Variants in MTSS1 observed in about 807,000 individuals in gnomAD.
MTSS1 encodes the protein protein MTSS 1.
In MTSS1, 18 loss-of-function variants were observed where a neutral mutation model predicts 79.0. That is an observed-to-expected ratio of 0.23 (90% CI 0.16 to 0.34). MTSS1 has a LOEUF of 0.34. Among genes scored for constraint, MTSS1 ranks in the 10% least tolerant of loss-of-function variants. MTSS1 has a pLI of 1.00. For missense variants in MTSS1, 815 were observed against 986.2 expected (o/e 0.83, Z 2.33); for synonymous variants, 341 against 368.6 (o/e 0.93, Z 0.86).
chr8:124,679,154 T>A (rs1277269140), intron 3 of MTSS1, among the ~76,000 whole-genome samples: 1 of 152,234 alleles, frequency 6.6e-6, no homozygotes, highest in African/African-American at 2.4e-5. Flanking sequence ...GCAAGTCCTT[T>A]AGCTAAGAAG....
intron 3 of MTSS1, among the ~76,000 whole-genome samples, chr8:124,695,081 C>T (rs761542386): frequency 6.6e-6 from 1 of 152,038 alleles, no homozygotes; most frequent in Non-Finnish European, 1.5e-5. Flanking sequence ...AGGTACATAA[C>T]AACTAGATTG....
chr8:124,711,053 G>A (rs1235167990), intron 1 of MTSS1, among the ~76,000 whole-genome samples: 1 of 152,204 alleles, frequency 6.6e-6, no homozygotes, highest in African/African-American at 2.4e-5. Flanking sequence ...GACCAGCCAG[G>A]TAACTTCCCA....
At chr8:124,568,844 T>C in intron 6 of MTSS1, 1 of 1,435,852 alleles carries the variant, frequency 7.0e-7, no homozygotes, top group East Asian at 2.5e-5. Context: ...AACACAACCC[T>C]GGAACACAGA....
At chr8:124,646,303 G>A (rs1818988920) in intron 3 of MTSS1, among the ~76,000 whole-genome samples, 1 of 152,112 alleles carries the variant, frequency 6.6e-6, no homozygotes, top group Non-Finnish European at 1.5e-5. Context: ...TCACAATCGG[G>A]AGAACATGTA....
intron 3 of MTSS1, among the ~76,000 whole-genome samples, chr8:124,616,620 A>G (rs1836920326): frequency 6.6e-6 from 1 of 152,104 alleles, no homozygotes; most frequent in South Asian, 2.1e-4. Flanking sequence ...AGGAACACAA[A>G]ACATAGGAGA....
intron 3 of MTSS1, among the ~76,000 whole-genome samples, chr8:124,596,898 T>A (rs1832862093): frequency 6.6e-6 from 1 of 152,108 alleles, no homozygotes; most frequent in East Asian, 1.9e-4. Context: ...TGTCTAAATT[T>A]CCCTCTTCCT....
At chr8:124,575,274 A>G (rs750833016) in intron 6 of MTSS1, among the ~76,000 whole-genome samples, 2 of 152,230 alleles carry the variant, frequency 1.3e-5, no homozygotes, top group Non-Finnish European at 2.9e-5. Flanking sequence ...ATGTGATTAG[A>G]TAAGACTGAA....
At chr8:124,586,935 A>G (rs1830962881) in intron 5 of MTSS1, among the ~76,000 whole-genome samples, 1 of 152,184 alleles carries the variant, frequency 6.6e-6, no homozygotes, top group African/African-American at 2.4e-5. Context: ...TCTCTGCAAG[A>G]CCTGCTGCCT....
Position 124,557,119 on chromosome 8 carries a change from T to C in MTSS1, c.1230+562A>G, listed in dbSNP as rs559953396. Reference sequence around the variant, plus strand: ...ATCATTTTCAAAGTTCGTCTTTATATTAAAGCAAACATGTTTGAACACTCA... The same window carrying C: ...ATCATTTTCAAAGTTCGTCTTTATACTAAAGCAAACATGTTTGAACACTCA... On this transcript the variant is annotated intron_variant, in intron 11 of 13. Coordinates refer to ENST00000518547, the MANE Select transcript of MTSS1 (RefSeq NM_014751.6). 3.1e-4 allele frequency among the ~76,000 whole-genome samples: 47 copies of C among 152,326 alleles called. No individual in the cohort carries two copies. In the South Asian group the frequency reaches 9.3e-3, roughly 30 times the overall value.
At chr8:124,562,514 CCT>C (rs72414910) in intron 10 of MTSS1, among the ~76,000 whole-genome samples, 51,707 of 151,944 alleles carry the variant, frequency 0.34, 10,030 homozygotes, top group Non-Finnish European at 0.44. Context: ...AGTGGTCAAA[CCT>C]CTTTCAATCC....
Position 124,567,081 on chromosome 8 carries a change from G to A in MTSS1, c.716C>T (p.Ser239Leu). The change falls in exon 8 of 14, where the codon TCA becomes TTA. Residue 239 changes from serine (S) to leucine (L), a missense_variant. By Grantham distance (145) the Ser-to-Leu change is moderately radical. Coordinates refer to ENST00000518547, the MANE Select transcript of MTSS1 (RefSeq NM_014751.6). Reference protein sequence around the residue: ...LTMDPHKLPSSSEQVILDLKG... With the variant: ...LTMDPHKLPSLSEQVILDLKG... ...ACCCCTGAAGCCTACCTGTTCACTT[G>A]AGGAGGGCAGTTTGTGAGGGTCCAT... is the stretch of plus-strand genomic sequence containing the variant. 6.2e-7 allele frequency: 1 copy of A among 1,612,136 alleles called. No individual in the cohort carries two copies. The highest frequency in any genetic ancestry group is 8.5e-7 in the Non-Finnish European group (1 of 1,178,122).
intron 3 of MTSS1, among the ~76,000 whole-genome samples, chr8:124,630,024 T>C (rs575337086): frequency 7.9e-5 from 12 of 152,344 alleles, no homozygotes; most frequent in African/African-American, 2.6e-4. Flanking sequence ...CTTAATCCTG[T>C]CTGAAGCTTC....
chr8:124,556,350 C>T lies in MTSS1; in HGVS notation c.1286G>A (p.Arg429His), dbSNP rs745477417. 17 of 1,614,142 alleles carry T rather than the reference C, an allele frequency of 1.1e-5. No individual in the cohort carries two copies. In the South Asian group the frequency reaches 1.3e-4, roughly 13 times the overall value. The change falls in exon 12 of 14, where the codon CGC (arginine) becomes CAC (histidine). Residue 429 changes from arginine (R) to histidine (H), a missense_variant. Physicochemically the swap from Arg to His is conservative, Grantham distance 29. Around this residue, in one of 2 missense-constraint regions of MTSS1, gnomAD observed 590 missense variants for 620.8 expected, o/e 0.95. Coordinates refer to ENST00000518547, the MANE Select transcript of MTSS1 (RefSeq NM_014751.6). ...GGGGTCCGGTTCTCGCTTCTCTTTG[C>T]GGCGCTGCAGGGTGTTCACCAGAGG... ...DQPLVNTLQR[R>H]KEKREPDPNG...
At chr8:124,592,005 C>T (rs1420058890) in intron 3 of MTSS1, among the ~76,000 whole-genome samples, 3 of 152,056 alleles carry the variant, frequency 2.0e-5, no homozygotes, top group Admixed American at 1.3e-4. Context: ...AGGCTGGTCT[C>T]GAACTCCTGA....
chr8:124,665,565 T>TA (rs33940486), intron 3 of MTSS1, among the ~76,000 whole-genome samples: 2 of 152,082 alleles, frequency 1.3e-5, no homozygotes, highest in African/African-American at 2.4e-5. Context: ...AGCCTAGCTA[T>TA]AAAAAAAATC....
At position 124,556,255 on chromosome 8, in the gene MTSS1, T is replaced by C. The variant is rs750455722; in HGVS notation, c.1381A>G (p.Met461Val). The C allele has an allele frequency of 9.9e-6, 16 of 1,614,098 alleles. No individual in the cohort carries two copies. Among genetic ancestry groups the C allele is most frequent in the South Asian group, 2.2e-5 (2 of 91,090 alleles). The change falls in exon 12 of 14, where the codon ATG becomes GTG. Residue 461 changes from methionine to valine, a missense_variant. Transcript: ENST00000518547. ...ACCCTGGTGGCAGCCGATACAGTCA[T>C]GCTCCGTGGTCTCTGAGCCTCCTCA... Reference protein sequence around the residue: ...AAEEAQRPRSMTVSAATRPGE... With the variant: ...AAEEAQRPRSVTVSAATRPGE...
chr8:124,598,748 C>T (rs1833209663), intron 3 of MTSS1, among the ~76,000 whole-genome samples: 1 of 152,242 alleles, frequency 6.6e-6, no homozygotes, highest in Non-Finnish European at 1.5e-5. Context: ...AACCCCCTCT[C>T]CTATGGCCTT....
chr8:124,684,957 C>T (rs1480937642), intron 3 of MTSS1, among the ~76,000 whole-genome samples: 2 of 152,140 alleles, frequency 1.3e-5, no homozygotes, highest in African/African-American at 4.8e-5. Flanking sequence ...AATGATAAAA[C>T]ACAAAACACT....
intron 3 of MTSS1, among the ~76,000 whole-genome samples, chr8:124,694,803 G>A (rs1321016616): frequency 6.6e-6 from 1 of 152,100 alleles, no homozygotes; most frequent in Non-Finnish European, 1.5e-5. Flanking sequence ...AAAGCCTCGG[G>A]TTCCAAGTCT....
Sources: gnomAD v4.1 joint callset for allele counts (sites outside exome capture counted in the v4.1 genomes callset) on GRCh38, gnomAD v4.1.1 for gene constraint, gnomAD v4.1.1 regional missense constraint, MANE v1.5 for transcripts, NCBI Gene and HGNC (gene_info 2026-07-23, HGNC 2026-07-21) for gene names.